Variants in DNASE1L3 observed in about 807,000 individuals in gnomAD.
DNASE1L3 encodes the protein deoxyribonuclease 1L3, also known as deoxyribonuclease gamma.
In DNASE1L3, 27 loss-of-function variants were observed where a neutral mutation model predicts 30.9. That is an observed-to-expected ratio of 0.87 (90% confidence interval 0.64 to 1.20). The LOEUF (loss-of-function observed/expected upper bound fraction) is 1.20, where lower values mean the gene tolerates loss of function less well. Among genes scored for constraint, DNASE1L3 ranks in the 50% most tolerant of loss-of-function variants. The pLI, the probability that DNASE1L3 is intolerant of heterozygous loss-of-function variation, is 0.00. For missense variants in DNASE1L3, 364 were observed against 378.2 expected (o/e 0.96, Z 0.31); for synonymous variants, 135 against 138.0 (o/e 0.98, Z 0.15).
rs145973332 is a variant in DNASE1L3 at position 58,210,785 on chromosome 3, G to A, written c.122C>T (p.Ala41Val). 31 of 1,614,004 alleles carry A rather than the reference G, an allele frequency of 1.9e-5. No homozygotes were observed. The highest frequency in any genetic ancestry group is 2.5e-5 in the Non-Finnish European group (30 of 1,180,018). ...FGESKQEDKN[A>V]MDVIVKVIKR... ...GCTCACCTTCACAATGACATCCATGGCATTCTTGTCTTCCTGCTTGCTTTC... is the reference window on the plus strand; with the variant it reads ...GCTCACCTTCACAATGACATCCATGACATTCTTGTCTTCCTGCTTGCTTTC... The change falls in exon 1 of 8, where the codon GCC (alanine) becomes GTC (valine). Residue 41 changes from alanine to valine, a missense_variant. Transcript: ENST00000394549.
At chr3:58,203,255 C>T (rs921709159) in intron 4 of DNASE1L3, among the ~76,000 whole-genome samples, 1 of 152,212 alleles carries the variant, frequency 6.6e-6, no homozygotes, top group Non-Finnish European at 1.5e-5. Context: ...CAGGCCTCCA[C>T]TGCACTCCTC....
At chr3:58,205,607 C>G in intron 2 of DNASE1L3, 47 bp from the exon 3 acceptor site, 1 of 1,490,462 alleles carries the variant, frequency 6.7e-7, no homozygotes, top group African/African-American at 1.4e-5. Context: ...TAAACATTCC[C>G]CTACTGTACA....
intron 4 of DNASE1L3, among the ~76,000 whole-genome samples, chr3:58,204,303 G>T (rs1299816295): frequency 1.3e-5 from 2 of 152,014 alleles, no homozygotes; most frequent in Non-Finnish European, 2.9e-5. Flanking sequence ...ACCATGCCCA[G>T]CTAATTTTTG....
intron 1 of DNASE1L3, 95 bp from the exon 2 acceptor site, chr3:58,208,401 A>G (rs2097405461): frequency 7.9e-7 from 1 of 1,269,054 alleles, no homozygotes; most frequent in South Asian, 1.3e-5. Context: ...TATTGCACTG[A>G]GTGCTTATTA....
rs576622806 is a variant in DNASE1L3 at position 58,205,394 on chromosome 3, T to C, written c.320+77A>G. On this transcript the variant is annotated intron_variant, in intron 3 of 7. Coordinates refer to ENST00000394549, the MANE Select transcript of DNASE1L3 (RefSeq NM_004944.4). ...TTGGTTAGAAATCAAAATTTGGTTTTGAAGAAAAGACATGCATTTTGATTC... is the reference window on the plus strand; with the variant it reads ...TTGGTTAGAAATCAAAATTTGGTTTCGAAGAAAAGACATGCATTTTGATTC... 3 of 1,362,102 alleles carry C rather than the reference T, an allele frequency of 2.2e-6. No individual in the cohort carries two copies. The African/African-American group carries it at 4.3e-5, about 20-fold the overall frequency. The allele number at this position is 1,362,102 out of a possible 1,614,324, so 84.4% of individuals were successfully genotyped here.
chr3:58,203,440 G>C (rs2097402042), intron 4 of DNASE1L3, among the ~76,000 whole-genome samples: 1 of 152,120 alleles, frequency 6.6e-6, no homozygotes, highest in South Asian at 2.1e-4. Context: ...AACAGAGCCT[G>C]GTACATAGTA....
Position 58,197,446 on chromosome 3 carries a change from ATTTTTATTTTTAT to A in DNASE1L3, c.704+362_704+374del, listed in dbSNP as rs1268876978. On this transcript the variant is annotated intron_variant, in intron 6 of 7. Coordinates refer to ENST00000394549, the MANE Select transcript of DNASE1L3 (RefSeq NM_004944.4). This position sits in a 1 kb window ranked among gnomAD's most constrained non-coding sequence, Gnocchi z 5.3. Reference sequence around the variant, plus strand: ...GCTCTGCAAGCAGTGTGCTTTTCTTATTTTTATTTTTATTTTTTATTTTTGAGACAAAGTCTCA... The same window carrying A: ...GCTCTGCAAGCAGTGTGCTTTTCTTATTTTTATTTTTGAGACAAAGTCTCA... Among the ~76,000 whole-genome samples, 1 of 151,694 alleles carries A rather than the reference ATTTTTATTTTTAT, an allele frequency of 6.6e-6. No individual in the cohort carries two copies. Among genetic ancestry groups the A allele is most frequent in the Non-Finnish European group, 1.5e-5 (1 of 67,898 alleles).
At chr3:58,205,732 T>A (rs1234334444) in intron 2 of DNASE1L3, among the ~76,000 whole-genome samples, 172 bp from the exon 3 acceptor site, 2 of 152,274 alleles carry the variant, frequency 1.3e-5, no homozygotes, top group Non-Finnish European at 2.9e-5. Flanking sequence ...GGCTGGAATG[T>A]GGCATCTGCC....
At chr3:58,201,538 A>G (rs1439406363) in intron 4 of DNASE1L3, among the ~76,000 whole-genome samples, 1 of 152,246 alleles carries the variant, frequency 6.6e-6, no homozygotes, top group African/African-American at 2.4e-5. Flanking sequence ...ACAGGCACAT[A>G]GTACATTCTA....
Position 58,210,763 on chromosome 3 carries a change from C to A in DNASE1L3, c.141+3G>T. The A allele has an allele frequency of 4.3e-6, 7 of 1,614,096 alleles. No homozygotes were observed. Among genetic ancestry groups the A allele is most frequent in the Non-Finnish European group, 5.1e-6 (6 of 1,180,012 alleles). On this transcript the variant is annotated splice_donor_region_variant and intron_variant, in intron 1 of 7. Coordinates refer to ENST00000394549, the MANE Select transcript of DNASE1L3 (RefSeq NM_004944.4). ...GGATCCTCCTCCCAGGAAAGGGGCT[C>A]ACCTTCACAATGACATCCATGGCAT...
At position 58,192,637 on chromosome 3, in the gene DNASE1L3, G is replaced by A; in HGVS notation, c.*50C>T. 2 of 1,558,280 alleles carry A rather than the reference G, an allele frequency of 1.3e-6. No homozygotes were observed. Among genetic ancestry groups the A allele is most frequent in the Non-Finnish European group, 1.8e-6 (2 of 1,140,188 alleles). ...CAGGGAGCAGTTCATATCTGTTAGA[G>A]ACATTTTATTTAGAGGCAAGAAATG... On this transcript the variant is annotated 3_prime_UTR_variant, in exon 8 of 8. Transcript: ENST00000394549. The surrounding 1 kb of genome is among the most constrained non-coding windows in gnomAD (Gnocchi z 4.8).
intron 4 of DNASE1L3, 46 bp downstream of exon 4, chr3:58,204,723 G>A (rs1462362983): frequency 6.4e-7 from 1 of 1,551,768 alleles, no homozygotes; most frequent in Admixed American, 1.7e-5. Flanking sequence ...GCGCATTCAT[G>A]GGCCGTTGGG....
rs111630258 is a variant in DNASE1L3, at chr3:58,210,913, G to T, written c.-7C>A. 1 of 1,613,250 alleles carries T rather than the reference G, an allele frequency of 6.2e-7. No individual in the cohort carries two copies. The highest frequency in any genetic ancestry group is 1.7e-5 in the Admixed American group (1 of 59,992). On this transcript the variant is annotated 5_prime_UTR_variant, in exon 1 of 8. Transcript: ENST00000394549. ...GGGCCAGCTCCCGTGACATCCTGGC[G>T]CTGCTCTGGCTTCAAGACTCTGTGA...
At chr3:58,195,963 C>T (rs959636190) in intron 6 of DNASE1L3, among the ~76,000 whole-genome samples, 1 of 152,124 alleles carries the variant, frequency 6.6e-6, no homozygotes, top group African/African-American at 2.4e-5. Flanking sequence ...ACCTGTTCTA[C>T]CCCTGACCTG....
chr3:58,203,066 C>G (rs578189727), intron 4 of DNASE1L3, among the ~76,000 whole-genome samples: 1 of 152,166 alleles, frequency 6.6e-6, no homozygotes, highest in African/African-American at 2.4e-5. Context: ...CAGCAGCTGT[C>G]GCCTTCTGAG....
intron 5 of DNASE1L3, among the ~76,000 whole-genome samples, chr3:58,199,155 T>C (rs2097399078): frequency 6.6e-6 from 1 of 152,198 alleles, no homozygotes; most frequent in Admixed American, 6.5e-5. Flanking sequence ...GGACAGAGTG[T>C]CATCCTTAAC....
chr3:58,200,926 G>T lies in DNASE1L3; in HGVS notation c.546+71C>A, dbSNP rs2097400141. 1 of 1,282,674 alleles carries T rather than the reference G, an allele frequency of 7.8e-7. No individual in the cohort carries two copies. The highest frequency in any genetic ancestry group is 1.3e-5 in the South Asian group (1 of 75,992). 79.5% of individuals were successfully genotyped at this position (1,282,674 alleles called of 1,614,324 possible). A position where few individuals can be genotyped will look rare whatever the true frequency, so the allele number is the denominator to read the frequency against. ...CTTCCTCCTCCCCCTCCCTGGAGAG[G>T]TACTCATCCCACTCAGGGACCAGAG... On this transcript the variant is annotated intron_variant, in intron 5 of 7. Coordinates refer to ENST00000394549, the MANE Select transcript of DNASE1L3 (RefSeq NM_004944.4). This position sits in a 1 kb window ranked among gnomAD's most constrained non-coding sequence, Gnocchi z 4.2.
chr3:58,208,116 T>C, intron 2 of DNASE1L3, 102 bp downstream of exon 2: 2 of 1,122,342 alleles, frequency 1.8e-6, no homozygotes, highest in Non-Finnish European at 2.7e-6. Context: ...TGTGAACTGG[T>C]GGTCAAGTGC....
intron 1 of DNASE1L3, among the ~76,000 whole-genome samples, chr3:58,210,432 T>C (rs576888465): frequency 6.6e-6 from 1 of 152,216 alleles, no homozygotes; most frequent in Non-Finnish European, 1.5e-5. Context: ...AACCATGTGC[T>C]TATAGTGCCT....
Sources: gnomAD v4.1 joint callset for allele counts (sites outside exome capture counted in the v4.1 genomes callset) on GRCh38, gnomAD v4.1.1 for gene constraint, Gnocchi (gnomAD v3.1) non-coding constraint, MANE v1.5 for transcripts, NCBI Gene and HGNC (gene_info 2026-07-23, HGNC 2026-07-21) for gene names.